Variants in NPAS3 observed in about 807,000 individuals in gnomAD.
NPAS3 encodes neuronal PAS domain protein 3, also known as neuronal PAS domain-containing protein 3.
In NPAS3, 14 loss-of-function variants were observed where a neutral mutation model predicts 73.1. The observed-to-expected ratio is 0.19, with a 90% confidence interval of 0.13 to 0.30. The LOEUF is 0.30. NPAS3 is among the 10% of genes least tolerant of loss of function. The pLI is 1.00. For missense variants in NPAS3, 1,096 were observed against 1,250.0 expected, an observed-to-expected ratio of 0.88 and a Z score of 1.86; for synonymous variants, 620 against 541.5, an observed-to-expected ratio of 1.14 and a Z score of -2.01.
At chr14:33,118,089 G>T (rs964558970) in intron 2 of NPAS3, among the ~76,000 whole-genome samples, 7 of 151,946 alleles carry the variant, frequency 4.6e-5, no homozygotes, top group African/African-American at 1.7e-4. Flanking sequence ...CTCTTTTCTT[G>T]TAAGGAATTA....
chr14:33,554,817 A>C (rs1031963548), intron 4 of NPAS3, among the ~76,000 whole-genome samples: 7 of 152,192 alleles, frequency 4.6e-5, no homozygotes, highest in African/African-American at 1.7e-4. Flanking sequence ...GACAAATATA[A>C]ATCCATTTAG....
At chr14:33,099,928 A>G (rs74041785) in intron 2 of NPAS3, among the ~76,000 whole-genome samples, 39 of 152,322 alleles carry the variant, frequency 2.6e-4, no homozygotes, top group African/African-American at 7.7e-4. Flanking sequence ...ATAATCCACT[A>G]AAGAAATGGT....
intron 5 of NPAS3, among the ~76,000 whole-genome samples, chr14:33,605,709 C>G (rs573449453): frequency 6.6e-6 from 1 of 152,224 alleles, no homozygotes; most frequent in South Asian, 2.1e-4. Context: ...AACTATAGAA[C>G]ATTGTTGAAG....
At chr14:33,573,608 A>G (rs139204764) in intron 5 of NPAS3, among the ~76,000 whole-genome samples, 140 of 152,326 alleles carry the variant, frequency 9.2e-4, no homozygotes, top group African/African-American at 2.9e-3. Context: ...GGAGGCATGT[A>G]TGCAAAGCTA....
chr14:33,219,233 A>G (rs2139698488), intron 3 of NPAS3, among the ~76,000 whole-genome samples: 1 of 152,242 alleles, frequency 6.6e-6, no homozygotes, highest in East Asian at 1.9e-4. Context: ...AAACCATTAT[A>G]TCTTTTATTA....
chr14:33,491,980 A>C (rs2051920018), intron 4 of NPAS3, among the ~76,000 whole-genome samples: 1 of 152,080 alleles, frequency 6.6e-6, no homozygotes, highest in South Asian at 2.1e-4. Flanking sequence ...TAAGCCATTC[A>C]CTCTTTTGTA....
chr14:33,778,038 C>G (rs1045572490), intron 8 of NPAS3, among the ~76,000 whole-genome samples: 2 of 152,098 alleles, frequency 1.3e-5, no homozygotes, highest in Non-Finnish European at 2.9e-5. Context: ...TGGAAATACC[C>G]AATAGAAGAC....
chr14:33,759,315 C>T (rs1488733496), intron 7 of NPAS3, among the ~76,000 whole-genome samples: 4 of 152,146 alleles, frequency 2.6e-5, no homozygotes, highest in Non-Finnish European at 5.9e-5. Flanking sequence ...AAAGGGAAGC[C>T]TTTTCAAAGT....
At chr14:33,136,217 C>T (rs181095720) in intron 2 of NPAS3, among the ~76,000 whole-genome samples, 5 of 151,888 alleles carry the variant, frequency 3.3e-5, no homozygotes, top group East Asian at 3.9e-4. Context: ...CACACCACCA[C>T]GCCCAGCTAA....
intron 4 of NPAS3, among the ~76,000 whole-genome samples, chr14:33,442,825 A>G (rs2139294212): frequency 6.6e-6 from 1 of 152,314 alleles, no homozygotes; most frequent in Non-Finnish European, 1.5e-5. Flanking sequence ...CCCATCTTGT[A>G]TTTAAGGAAA....
At chr14:33,242,874 T>C (rs1231880670) in intron 3 of NPAS3, among the ~76,000 whole-genome samples, 3 of 152,116 alleles carry the variant, frequency 2.0e-5, no homozygotes, top group Non-Finnish European at 4.4e-5. Context: ...CATTAGATGA[T>C]GTGGAAATGC....
At chr14:33,791,689 G>C (rs1324902108) in intron 9 of NPAS3, among the ~76,000 whole-genome samples, 2 of 152,158 alleles carry the variant, frequency 1.3e-5, no homozygotes, top group Non-Finnish European at 2.9e-5. Flanking sequence ...ATTCTAATTT[G>C]ATATTATAAC....
chr14:33,132,746 G>A (rs765957569), intron 2 of NPAS3, among the ~76,000 whole-genome samples: 2 of 152,130 alleles, frequency 1.3e-5, no homozygotes, highest in African/African-American at 2.4e-5. Flanking sequence ...ACCTTAATTA[G>A]GACAATTTGA....
At chr14:33,544,825 A>ATATATATATAATATATATATATATAAT in intron 4 of NPAS3, among the ~76,000 whole-genome samples, 1 of 112,188 alleles carries the variant, frequency 8.9e-6, no homozygotes, top group African/African-American at 4.1e-5. Context: ...TATATAATAT[A>ATATATATATAATATATATATATATAAT]TATGTGTATA....
chr14:33,389,693 A>G (rs1279922355), intron 4 of NPAS3, among the ~76,000 whole-genome samples: 1 of 152,222 alleles, frequency 6.6e-6, no homozygotes, highest in Non-Finnish European at 1.5e-5. Context: ...ATTATTTTTC[A>G]TCTTGAGAAA....
chr14:33,641,117 C>G (rs879679978), intron 5 of NPAS3, among the ~76,000 whole-genome samples: 1 of 152,146 alleles, frequency 6.6e-6, no homozygotes, highest in Non-Finnish European at 1.5e-5. Context: ...AAATGACCAT[C>G]TCATAATTGT....
intron 4 of NPAS3, among the ~76,000 whole-genome samples, chr14:33,552,530 T>C (rs1440285721): frequency 6.6e-6 from 1 of 152,004 alleles, no homozygotes; most frequent in Non-Finnish European, 1.5e-5. Flanking sequence ...ATAAATGCAA[T>C]ATATATTATA....
intron 3 of NPAS3, among the ~76,000 whole-genome samples, chr14:33,234,136 C>T (rs755846078): frequency 2.0e-4 from 31 of 152,004 alleles, no homozygotes; most frequent in African/African-American, 7.0e-4. Flanking sequence ...CATTTTTTCT[C>T]CAGTTTTTCC....
At chr14:33,503,985 T>G (rs570369470) in intron 4 of NPAS3, among the ~76,000 whole-genome samples, 1 of 152,134 alleles carries the variant, frequency 6.6e-6, no homozygotes, top group African/African-American at 2.4e-5. Context: ...CTAGACGTTA[T>G]GTTATCTAGA....
Sources: allele counts gnomAD v4.1 joint callset (sites outside exome capture counted in the v4.1 genomes callset), GRCh38; gene constraint gnomAD v4.1.1; transcripts MANE v1.5; gene names NCBI Gene and HGNC (gene_info 2026-07-23, HGNC 2026-07-21).